Variants in PRKCH observed in about 807,000 individuals in gnomAD.
PRKCH encodes protein kinase C eta, also known as protein kinase C eta type.
A neutral mutation model predicts 82.5 loss-of-function variants in PRKCH; 28 were observed. The ratio of observed to expected loss-of-function variants is 0.34; its 90% CI spans 0.25 to 0.47. The LOEUF is 0.47. Among genes scored for constraint, PRKCH ranks in the 20% least tolerant of loss-of-function variants. The pLI is 1.00. For synonymous variants in PRKCH, 322 were observed against 327.4 expected (o/e 0.98, Z 0.18); for missense variants, 705 against 881.8 (o/e 0.80, Z 2.54).
chr14:61,269,283 G>A (rs2045130757), intron 1 of PRKCH, among the ~76,000 whole-genome samples: 2 of 152,084 alleles, frequency 1.3e-5, no homozygotes, highest in South Asian at 4.1e-4. Flanking sequence ...TAATCATAAT[G>A]TATAGAAAGT....
At chr14:61,406,299 C>CAAGGGTCAGGTTACAGATTTTGCGTT (rs1881946269) in intron 2 of PRKCH, among the ~76,000 whole-genome samples, 1 of 138,180 alleles carries the variant, frequency 7.2e-6, no homozygotes, top group Non-Finnish European at 1.5e-5. Context: ...AATGCTGCGA[C>CAAGGGTCAGGTTACAGATTTTGCGTT]AAGGGTCAGG....
rs538853864 is a variant in PRKCH, at chr14:61,324,217, C to G, written c.363+1753C>G. Among the ~76,000 whole-genome samples the G allele has an allele frequency of 3.3e-5, 5 of 152,304 alleles. No homozygotes were observed. The East Asian group carries it at 9.6e-4, about 29-fold the overall frequency. ...GGTGTCATAAGTGTAGGAAGATCCA[C>G]GTTATCTGACTAGGTGGCATGTACA... is the stretch of plus-strand genomic sequence containing the variant. On this transcript the variant is annotated intron_variant, in intron 1 of 13. Transcript: ENST00000332981.
chr14:61,508,166 CA>C (rs1887234696), intron 10 of PRKCH, among the ~76,000 whole-genome samples: 1 of 151,728 alleles, frequency 6.6e-6, no homozygotes, highest in African/African-American at 2.4e-5. Context: ...ATTGACATGG[CA>C]ATTGACATGA....
At chr14:61,434,426 A>G (rs1412381030) in intron 2 of PRKCH, among the ~76,000 whole-genome samples, 1 of 152,168 alleles carries the variant, frequency 6.6e-6, no homozygotes, top group Non-Finnish European at 1.5e-5. Flanking sequence ...AAAAATGAAG[A>G]ATGTCTGACC....
intron 1 of PRKCH, among the ~76,000 whole-genome samples, chr14:61,200,883 A>G (rs1301732042): frequency 6.6e-6 from 1 of 152,162 alleles, no homozygotes; most frequent in African/African-American, 2.4e-5. Context: ...ATTCAATACT[A>G]CCGGAGGTTT....
At chr14:61,435,282 A>G (rs190088589) in intron 2 of PRKCH, among the ~76,000 whole-genome samples, 5 of 152,274 alleles carry the variant, frequency 3.3e-5, no homozygotes, top group Admixed American at 6.5e-5. Flanking sequence ...TTAAGTCCCT[A>G]TCTTGAACTC....
chr14:61,444,978 T>C (rs551012960), intron 3 of PRKCH, among the ~76,000 whole-genome samples: 1 of 152,298 alleles, frequency 6.6e-6, no homozygotes, highest in South Asian at 2.1e-4. Flanking sequence ...CTCTTAACCA[T>C]GTTATTTTGT....
intron 1 of PRKCH, among the ~76,000 whole-genome samples, chr14:61,209,209 C>T (rs1436312684): frequency 6.6e-6 from 1 of 151,560 alleles, no homozygotes; most frequent in African/African-American, 2.4e-5. Context: ...GACTTCTCAG[C>T]CTCAAAAACT....
At chr14:61,427,440 C>A (rs1380265594) in intron 2 of PRKCH, among the ~76,000 whole-genome samples, 1 of 151,902 alleles carries the variant, frequency 6.6e-6, no homozygotes, top group Non-Finnish European at 1.5e-5. Context: ...ATTGGGAGGA[C>A]CTGGAAGAGG....
chr14:61,533,045 G>T (rs1158426784), intron 12 of PRKCH, among the ~76,000 whole-genome samples: 2 of 152,194 alleles, frequency 1.3e-5, no homozygotes, highest in African/African-American at 4.8e-5. Context: ...TGCCGGGCCT[G>T]CCTCCCAGTC....
chr14:61,271,481 A>G (rs991133438), intron 1 of PRKCH, among the ~76,000 whole-genome samples: 9 of 152,292 alleles, frequency 5.9e-5, no homozygotes, highest in Admixed American at 1.3e-4. Flanking sequence ...CTTAACATTC[A>G]TGATTAATCA....
chr14:61,329,954 A>G (rs1367981757), intron 1 of PRKCH, among the ~76,000 whole-genome samples: 1 of 152,170 alleles, frequency 6.6e-6, no homozygotes, highest in Non-Finnish European at 1.5e-5. Flanking sequence ...CTGACAGACT[A>G]TTACATGTTT....
chr14:61,451,878 A>C (rs1884525088), intron 6 of PRKCH, among the ~76,000 whole-genome samples: 1 of 152,206 alleles, frequency 6.6e-6, no homozygotes, highest in Non-Finnish European at 1.5e-5. Context: ...ACTTGTCTTT[A>C]AGAAGGGCAC....
At chr14:61,547,287 C>G (rs1008161091) in intron 12 of PRKCH, among the ~76,000 whole-genome samples, 1 of 152,164 alleles carries the variant, frequency 6.6e-6, no homozygotes, top group Non-Finnish European at 1.5e-5. Context: ...TCTCTCTCCT[C>G]TCTGTGGTCT....
At chr14:61,396,081 G>GAAAAA (rs34478520) in intron 2 of PRKCH, among the ~76,000 whole-genome samples, 2 of 120,536 alleles carry the variant, frequency 1.7e-5, no homozygotes, top group African/African-American at 3.2e-5. Context: ...CCTTGTTTCA[G>GAAAAA]AAAAAAAAAA....
chr14:61,292,621 A>C (rs370012985), intron 1 of PRKCH, among the ~76,000 whole-genome samples: 1 of 152,084 alleles, frequency 6.6e-6, no homozygotes, highest in Admixed American at 6.6e-5. Context: ...AAATACAAAA[A>C]TTAGCCAGGC....
intron 2 of PRKCH, among the ~76,000 whole-genome samples, chr14:61,402,631 C>T (rs1419902439): frequency 1.3e-5 from 2 of 151,754 alleles, no homozygotes; most frequent in African/African-American, 4.8e-5. Context: ...CCCGTCTCTA[C>T]TAAAAATACA....
intron 1 of PRKCH, among the ~76,000 whole-genome samples, chr14:61,333,571 C>T (rs1229907721): frequency 6.6e-6 from 1 of 151,934 alleles, no homozygotes; most frequent in Non-Finnish European, 1.5e-5. Context: ...AAAATGTGTT[C>T]TCACTTATGG....
chr14:61,355,615 T>G (rs1471917516), intron 1 of PRKCH, among the ~76,000 whole-genome samples: 1 of 152,224 alleles, frequency 6.6e-6, no homozygotes, highest in Non-Finnish European at 1.5e-5. Context: ...ACTAAAAATA[T>G]ACACTAAATA....
Sources: gnomAD v4.1 joint callset for allele counts (sites outside exome capture counted in the v4.1 genomes callset) on GRCh38, gnomAD v4.1.1 for gene constraint, MANE v1.5 for transcripts, NCBI Gene and HGNC (gene_info 2026-07-23, HGNC 2026-07-21) for gene names.